MERTK: variants seen among roughly 807,000 people sequenced by gnomAD.
MERTK encodes MER proto-oncogene, tyrosine kinase, also known as tyrosine-protein kinase Mer.
A neutral mutation model predicts 99.3 loss-of-function variants in MERTK; 69 were observed. The observed-to-expected ratio is 0.70, with a 90% CI of 0.57 to 0.85. MERTK has a LOEUF of 0.85. MERTK is among the 40% of genes least tolerant of loss of function. MERTK has a pLI of 0.00. For synonymous variants in MERTK, 426 were observed against 467.6 expected, an observed-to-expected ratio of 0.91 and a Z score of 1.15; for missense variants, 1,125 against 1,249.4, an observed-to-expected ratio of 0.90 and a Z score of 1.50.
At chr2:112,009,861 G>C in intron 14 of MERTK, 87 bp from the exon 15 acceptor site, 1 of 988,954 alleles carries the variant, frequency 1.0e-6, no homozygotes, top group South Asian at 1.3e-5. Context: ...GTAACACACG[G>C]CTTCAGTTTT....
intron 1 of MERTK, among the ~76,000 whole-genome samples, chr2:111,927,862 A>G (rs1414025879): frequency 6.6e-6 from 1 of 152,044 alleles, no homozygotes; most frequent in Non-Finnish European, 1.5e-5. Context: ...TGGAGCCCCC[A>G]CTGTGTACCC....
At chr2:112,023,283 G>C (rs553226462) in intron 18 of MERTK, among the ~76,000 whole-genome samples, 2 of 152,144 alleles carry the variant, frequency 1.3e-5, no homozygotes, top group East Asian at 3.9e-4. Flanking sequence ...GTGTGGTGGC[G>C]GGCGCCTGTA....
At chr2:111,920,110 T>C (rs192226610) in intron 1 of MERTK, among the ~76,000 whole-genome samples, 4 of 152,324 alleles carry the variant, frequency 2.6e-5, no homozygotes, top group Non-Finnish European at 1.5e-5. Context: ...TTCCTCTAAG[T>C]AAATCCGGGG....
intron 15 of MERTK, among the ~76,000 whole-genome samples, chr2:112,018,079 A>G (rs575577365): frequency 6.6e-6 from 1 of 152,292 alleles, no homozygotes; most frequent in East Asian, 1.9e-4. Context: ...ACACAAGAAG[A>G]AGGAGGAGGA....
chr2:112,025,106 TTGGCG>T (rs1677438467), intron 18 of MERTK, among the ~76,000 whole-genome samples: 1 of 152,154 alleles, frequency 6.6e-6, no homozygotes, highest in African/African-American at 2.4e-5. Context: ...CCGCCGACTG[TTGGCG>T]TGACTTCAGT....
chr2:111,942,985 A>G (rs1684892818), intron 2 of MERTK, among the ~76,000 whole-genome samples: 1 of 152,182 alleles, frequency 6.6e-6, no homozygotes, highest in Non-Finnish European at 1.5e-5. Context: ...AGAAAACTGA[A>G]TTCAACCTAA....
intron 7 of MERTK, 21 bp from the exon 8 acceptor site, chr2:111,982,821 C>T (rs1181000662): frequency 6.2e-7 from 1 of 1,613,122 alleles, no homozygotes; most frequent in African/African-American, 1.3e-5. Flanking sequence ...CTTCATTCTT[C>T]TCTCCTTTTT....
intron 6 of MERTK, among the ~76,000 whole-genome samples, chr2:111,969,242 T>TACTGTGTG (rs2104726564): frequency 6.6e-6 from 1 of 152,294 alleles, no homozygotes; most frequent in South Asian, 2.1e-4. Context: ...CACTGCAGGC[T>TACTGTGTG]CAGAGTACTC....
chr2:111,924,459 G>C (rs1349502542), intron 1 of MERTK, among the ~76,000 whole-genome samples: 1 of 152,182 alleles, frequency 6.6e-6, no homozygotes, highest in East Asian at 1.9e-4. Flanking sequence ...TGCTGTTGCT[G>C]TCAGCCCCCT....
intron 3 of MERTK, 70 bp downstream of exon 3, chr2:111,945,130 G>T (rs1453226399): frequency 8.2e-7 from 1 of 1,226,644 alleles, no homozygotes; most frequent in Admixed American, 1.8e-5. Flanking sequence ...AATGTTTTGT[G>T]TATAATACTC....
chr2:111,956,978 A>G lies in MERTK; in HGVS notation c.758-8213A>G, dbSNP rs1382411076. On this transcript the variant is annotated intron_variant, in intron 4 of 18. Transcript: ENST00000295408. ...TTTTTTTTTATGTCACCCAGGCTGGAGTGCAGTGGCGTGATCTCAGCTCAC... is the reference window on the plus strand; with the variant it reads ...TTTTTTTTTATGTCACCCAGGCTGGGGTGCAGTGGCGTGATCTCAGCTCAC... Among the ~76,000 whole-genome samples, 3 of 132,228 alleles carry G rather than the reference A, an allele frequency of 2.3e-5. No individual in the cohort carries two copies. The Admixed American group carries it at 2.4e-4, about 11-fold the overall frequency. 86.7% of individuals were successfully genotyped at this position (132,228 alleles called of 152,430 possible). A position where few individuals can be genotyped will look rare whatever the true frequency, so the allele number is the denominator to read the frequency against.
intron 1 of MERTK, among the ~76,000 whole-genome samples, chr2:111,899,938 G>A (rs1684013393): frequency 6.6e-6 from 1 of 151,986 alleles, no homozygotes; most frequent in African/African-American, 2.4e-5. Context: ...TTTGATCGCT[G>A]ATGCACTTCT....
At chr2:111,910,227 T>C (rs542991687) in intron 1 of MERTK, among the ~76,000 whole-genome samples, 236 of 151,612 alleles carry the variant, frequency 1.6e-3, no homozygotes, top group Non-Finnish European at 2.6e-3. Context: ...ATTGCCTTAC[T>C]GCACTCCAGC....
chr2:112,008,037 C>T (rs1460313993), intron 13 of MERTK, among the ~76,000 whole-genome samples: 1 of 152,014 alleles, frequency 6.6e-6, no homozygotes, highest in East Asian at 1.9e-4. Flanking sequence ...TTGATGAACC[C>T]ATACTGATAC....
At chr2:111,945,358 C>T (rs1010913523) in intron 3 of MERTK, among the ~76,000 whole-genome samples, 1 of 152,200 alleles carries the variant, frequency 6.6e-6, no homozygotes, top group African/African-American at 2.4e-5. Context: ...AAGCTGAAGA[C>T]TTCTTTTTAA....
intron 2 of MERTK, chr2:111,940,311 A>G (rs761590184): frequency 2.3e-5 from 11 of 469,956 alleles, no homozygotes; most frequent in Non-Finnish European, 4.6e-5. Flanking sequence ...TTCATCTTCC[A>G]ACTTTTCCCA....
At position 111,904,777 on chromosome 2, in the gene MERTK, C is replaced by T. The variant is rs544794645; in HGVS notation, c.61+5981C>T. 1.3e-4 allele frequency among the ~76,000 whole-genome samples: 20 copies of T among 152,216 alleles called. No homozygotes were observed. In the East Asian group the frequency reaches 2.9e-3, roughly 22 times the overall value. On this transcript the variant is annotated intron_variant, in intron 1 of 18. Coordinates refer to ENST00000295408, the MANE Select transcript of MERTK (RefSeq NM_006343.3). ...AGGCTTTGGTTCTTAGAGTAGATTC[C>T]GTGTACAGGCGTGAGTATGTGTCCG...
intron 8 of MERTK, among the ~76,000 whole-genome samples, chr2:111,990,307 A>G (rs1246457745): frequency 6.6e-6 from 1 of 152,248 alleles, no homozygotes; most frequent in African/African-American, 2.4e-5. Context: ...TTTAAAATAT[A>G]TGTCATATAT....
At chr2:111,994,463 T>A (rs1156560744) in intron 9 of MERTK, 59 bp downstream of exon 9, 1 of 1,602,452 alleles carries the variant, frequency 6.2e-7, no homozygotes, top group Non-Finnish European at 8.6e-7. Context: ...GTGCACAGAT[T>A]GCCAGAAAGT....
Sources: gnomAD v4.1 joint callset for allele counts (sites outside exome capture counted in the v4.1 genomes callset) on GRCh38, gnomAD v4.1.1 for gene constraint, MANE v1.5 for transcripts, NCBI Gene and HGNC (gene_info 2026-07-23, HGNC 2026-07-21) for gene names.